Variants in CERS3 observed in about 807,000 individuals in gnomAD.
CERS3 encodes the protein LAG1 homolog, ceramide synthase 3.
CERS3 carries 33 observed loss-of-function variants against 50.3 expected under a neutral mutation model. The observed-to-expected ratio is 0.66, with a 90% CI of 0.50 to 0.88. The LOEUF is 0.88. CERS3 is among the 40% of genes least tolerant of loss of function. CERS3 has a pLI of 0.00. For missense variants in CERS3, 470 were observed against 460.3 expected, an observed-to-expected ratio of 1.02 and a Z score of -0.19; for synonymous variants, 176 against 155.2, an observed-to-expected ratio of 1.13 and a Z score of -0.99.
At chr15:100,487,891 C>T (rs537789730) in intron 4 of CERS3, among the ~76,000 whole-genome samples, 10 of 152,306 alleles carry the variant, frequency 6.6e-5, no homozygotes, top group African/African-American at 2.2e-4. Context: ...TTCTTCAGAT[C>T]TCTTCCAGAA....
At chr15:100,467,100 C>A (rs975230052) in intron 10 of CERS3, among the ~76,000 whole-genome samples, 43 of 151,938 alleles carry the variant, frequency 2.8e-4, no homozygotes, top group Non-Finnish European at 1.2e-4. Flanking sequence ...AGGTGATCCA[C>A]CTGCCTCGGC....
chr15:100,470,302 C>G (rs1217097404), intron 9 of CERS3, among the ~76,000 whole-genome samples: 1 of 152,144 alleles, frequency 6.6e-6, no homozygotes, highest in Non-Finnish European at 1.5e-5. Flanking sequence ...CCCAGAGGCT[C>G]AAGGCCCTTC....
At chr15:100,519,945 G>C (rs1046014674) in intron 2 of CERS3, among the ~76,000 whole-genome samples, 1 of 152,144 alleles carries the variant, frequency 6.6e-6, no homozygotes, top group Non-Finnish European at 1.5e-5. Context: ...AGCCCCCTTT[G>C]GCCCTCCTCT....
intron 11 of CERS3, among the ~76,000 whole-genome samples, chr15:100,403,163 G>T (rs148996458): frequency 8.5e-5 from 13 of 152,116 alleles, no homozygotes; most frequent in African/African-American, 3.1e-4. Flanking sequence ...CTAAACAATC[G>T]CTGGGTCAAA....
intron 2 of CERS3, among the ~76,000 whole-genome samples, chr15:100,520,079 C>G (rs537897704): frequency 7.9e-5 from 12 of 152,320 alleles, no homozygotes; most frequent in South Asian, 4.1e-4. Context: ...CTGAGCAGCT[C>G]TGAGCCCACT....
At chr15:100,406,567 C>T (rs1334253254) in intron 11 of CERS3, among the ~76,000 whole-genome samples, 1 of 152,146 alleles carries the variant, frequency 6.6e-6, no homozygotes, top group Non-Finnish European at 1.5e-5. Context: ...TCAAAATGAA[C>T]AAGCCTCCTT....
At chr15:100,488,684 G>C (rs1484695650) in intron 4 of CERS3, among the ~76,000 whole-genome samples, 3 of 151,774 alleles carry the variant, frequency 2.0e-5, no homozygotes, top group Admixed American at 6.6e-5. Context: ...TACTGCCTCA[G>C]TTTTTTAATC....
chr15:100,505,639 T>C (rs1302880971), intron 2 of CERS3, among the ~76,000 whole-genome samples: 1 of 152,218 alleles, frequency 6.6e-6, no homozygotes, highest in Non-Finnish European at 1.5e-5. Context: ...ATGGCTAAAA[T>C]TGTAAAACTC....
At chr15:100,430,671 T>G (rs985973041) in intron 11 of CERS3, among the ~76,000 whole-genome samples, 2 of 152,210 alleles carry the variant, frequency 1.3e-5, no homozygotes, top group African/African-American at 2.4e-5. Flanking sequence ...TAATAAGCAT[T>G]TTATGCTGTT....
chr15:100,407,148 G>C (rs2031106432), intron 11 of CERS3, among the ~76,000 whole-genome samples: 1 of 152,122 alleles, frequency 6.6e-6, no homozygotes, highest in South Asian at 2.1e-4. Flanking sequence ...CATATCAGAG[G>C]GGAAACTCAA....
At chr15:100,437,168 A>T (rs1208451319) in intron 11 of CERS3, among the ~76,000 whole-genome samples, 1 of 151,828 alleles carries the variant, frequency 6.6e-6, no homozygotes. Context: ...GATGGTCTTG[A>T]TCTCCTGACC....
intron 2 of CERS3, among the ~76,000 whole-genome samples, chr15:100,515,890 C>A (rs563195943): frequency 1.3e-5 from 2 of 151,818 alleles, no homozygotes; most frequent in Non-Finnish European, 2.9e-5. Context: ...ACATCTTGCT[C>A]CTCTTCACTG....
intron 2 of CERS3, among the ~76,000 whole-genome samples, chr15:100,517,630 A>G (rs2036527842): frequency 6.6e-6 from 1 of 152,190 alleles, no homozygotes; most frequent in African/African-American, 2.4e-5. Flanking sequence ...TGGGGTTACT[A>G]AGGTACACTG....
upstream of CERS3, chr15:100,529,238 C>CA (rs1219242713): frequency 6.6e-6 from 1 of 152,164 alleles, no homozygotes; most frequent in African/African-American, 2.4e-5. Flanking sequence ...GAGAGAACCC[C>CA]AAAACACCAG....
At chr15:100,458,456 G>C (rs2034444867) in intron 10 of CERS3, among the ~76,000 whole-genome samples, 1 of 151,964 alleles carries the variant, frequency 6.6e-6, no homozygotes, top group Non-Finnish European at 1.5e-5. Flanking sequence ...TGTGGTGGCA[G>C]GTATCTGTAA....
intron 11 of CERS3, among the ~76,000 whole-genome samples, chr15:100,416,160 G>C (rs1200915458): frequency 1.3e-5 from 2 of 151,908 alleles, no homozygotes; most frequent in Non-Finnish European, 2.9e-5. Context: ...AACCAAAAAA[G>C]AGCCCCCAAA....
At chr15:100,483,778 A>ATTGTTTTT (rs1300648690) in intron 5 of CERS3, among the ~76,000 whole-genome samples, 1 of 59,138 alleles carries the variant, frequency 1.7e-5, no homozygotes, top group Non-Finnish European at 3.1e-5. Flanking sequence ...AATAATAATT[A>ATTGTTTTT]TTATTATTAT....
In CERS3 at chr15:100,483,037, A is replaced by G. The variant is rs115322232; in HGVS notation, c.407+1513T>C. On this transcript the variant is annotated intron_variant, in intron 5 of 11. Transcript: ENST00000679737. ...GGCCCACTTACTGTGTCCTGAATAT[A>G]TTGCATAATTTCCTGCTTTGTGTCT... Among the ~76,000 whole-genome samples, 215 of 152,352 alleles carry G rather than the reference A, an allele frequency of 1.4e-3. 1 individual carries two copies. The highest frequency in any genetic ancestry group is 5.0e-3 in the African/African-American group (209 of 41,584).
chr15:100,539,180 A>G (rs1192841073), intron 1 of CERS3, among the ~76,000 whole-genome samples: 2 of 152,116 alleles, frequency 1.3e-5, no homozygotes, highest in Non-Finnish European at 2.9e-5. Flanking sequence ...CCACATCACT[A>G]TTAGCATTTT....
Sources: gnomAD v4.1 joint callset for allele counts (sites outside exome capture counted in the v4.1 genomes callset) on GRCh38, gnomAD v4.1.1 for gene constraint, MANE v1.5 for transcripts, NCBI Gene and HGNC (gene_info 2026-07-23, HGNC 2026-07-21) for gene names.